The following JAK1 variants were observed in gnomAD, a reference collection of about 807,000 sequenced individuals.
The protein encoded by JAK1 is Janus kinase 1.
JAK1 carries 16 observed loss-of-function variants against 136.6 expected under a neutral mutation model. That is an observed-to-expected ratio of 0.12 (90% CI 0.08 to 0.18). The LOEUF (loss-of-function observed/expected upper bound fraction) is 0.18. Ranked by LOEUF, JAK1 falls within the 10% of genes least tolerant of loss-of-function variation. The pLI, the probability that JAK1 is intolerant of heterozygous loss-of-function variation, is 1.00. For missense variants in JAK1, 859 were observed against 1,450.1 expected, an observed-to-expected ratio of 0.59 and a Z score of 6.62; for synonymous variants, 492 against 519.5, an observed-to-expected ratio of 0.95 and a Z score of 0.72.
chr1:64,898,283 C>T (rs534629213), intron 1 of JAK1, among the ~76,000 whole-genome samples: 4 of 152,178 alleles, frequency 2.6e-5, no homozygotes, highest in Non-Finnish European at 5.9e-5. Flanking sequence ...GAGGGACCAG[C>T]AAGTTCACGG....
At chr1:64,928,363 T>C (rs1181449540) in intron 1 of JAK1, among the ~76,000 whole-genome samples, 1 of 152,174 alleles carries the variant, frequency 6.6e-6, no homozygotes, top group Non-Finnish European at 1.5e-5. Flanking sequence ...GAACAAAGAA[T>C]ACTGCGAGAA....
chr1:64,857,817 A>C (rs764799809), intron 9 of JAK1, 38 bp from the exon 10 acceptor site: 11 of 1,611,490 alleles, frequency 6.8e-6, no homozygotes, highest in Non-Finnish European at 9.3e-6. Context: ...AAGAGCTCAC[A>C]CCAAACAGGA....
chr1:64,856,880 T>C (rs1655973815), intron 10 of JAK1, among the ~76,000 whole-genome samples: 1 of 152,144 alleles, frequency 6.6e-6, no homozygotes, highest in Non-Finnish European at 1.5e-5. Flanking sequence ...CTACCCTCCG[T>C]GCCAAAGGCC....
At chr1:64,953,647 T>C (rs983726963) in intron 1 of JAK1, among the ~76,000 whole-genome samples, 5 of 152,116 alleles carry the variant, frequency 3.3e-5, no homozygotes, top group African/African-American at 1.2e-4. Context: ...CCCCAAAACC[T>C]AAAAAACAAA....
intron 1 of JAK1, among the ~76,000 whole-genome samples, chr1:64,960,149 G>A (rs1646256454): frequency 6.6e-6 from 1 of 152,154 alleles, no homozygotes; most frequent in Non-Finnish European, 1.5e-5. Context: ...GATTGCTTGA[G>A]CCCAGAAGGT....
chr1:64,989,324 C>CAAATAAATAAATAAATAAAT (rs60402520), intron 2 of JAK1: 7 of 139,130 alleles, frequency 5.0e-5, no homozygotes, highest in African/African-American at 1.4e-4. Flanking sequence ...GACTCCATCT[C>CAAATAAATAAATAAATAAAT]AAATAAATAA....
At chr1:64,883,183 C>A in intron 3 of JAK1, 94 bp downstream of exon 3, 3 of 1,040,394 alleles carry the variant, frequency 2.9e-6, no homozygotes, top group Non-Finnish European at 4.1e-6. Context: ...ACAACTCTTT[C>A]TGCCCAGCAG....
upstream of JAK1, among the ~76,000 whole-genome samples, chr1:64,967,474 C>T (rs1646405096): frequency 6.6e-6 from 1 of 152,220 alleles, no homozygotes; most frequent in Non-Finnish European, 1.5e-5. Context: ...GCTTAAAACA[C>T]TCCAGCGACT....
Position 64,966,383 on chromosome 1 carries a change from G to A in JAK1, c.-128C>T, listed in dbSNP as rs1333593415. 1 of 151,314 alleles carries A rather than the reference G, an allele frequency of 6.6e-6. No homozygotes were observed. Among genetic ancestry groups the A allele is most frequent in the African/African-American group, 2.4e-5 (1 of 41,334 alleles). 9.4% of individuals were successfully genotyped at this position (151,314 alleles called of 1,614,324 possible). ...CAGCGCCCCGTCGCTGCGCTGGCTG[G>A]GGTCGACCGGCAGGCTCGCTAGGCG... On this transcript the variant is annotated 5_prime_UTR_variant, in exon 1 of 25. Transcript: ENST00000342505.
chr1:65,063,914 A>G (rs556388693), intron 1 of JAK1, among the ~76,000 whole-genome samples: 1 of 152,272 alleles, frequency 6.6e-6, no homozygotes, highest in South Asian at 2.1e-4. Context: ...CAAGCTACAC[A>G]TGTAATTTTT....
chr1:64,931,380 C>T (rs537537175), intron 1 of JAK1, among the ~76,000 whole-genome samples: 4 of 152,214 alleles, frequency 2.6e-5, no homozygotes, highest in African/African-American at 9.6e-5. Context: ...CCATTCCCAT[C>T]GAAAGTAAGG....
upstream of JAK1, among the ~76,000 whole-genome samples, chr1:64,971,072 T>G (rs1646447895): frequency 6.6e-6 from 1 of 152,240 alleles, no homozygotes; most frequent in Non-Finnish European, 1.5e-5. Flanking sequence ...TGATGTTTTT[T>G]CAACAACACT....
chr1:64,902,611 T>TGTGTGTGTGTGTGTG (rs1645128538), intron 1 of JAK1, among the ~76,000 whole-genome samples: 2 of 149,194 alleles, frequency 1.3e-5, no homozygotes, highest in African/African-American at 2.5e-5. Context: ...TGTGTGTGTG[T>TGTGTGTGTGTGTGTG]TATGGCATGT....
Position 64,879,109 on chromosome 1 carries a change from T to G in JAK1, c.245A>C (p.Asp82Ala). 1 of 1,613,836 alleles carries G rather than the reference T, an allele frequency of 6.2e-7. No homozygotes were observed. Among genetic ancestry groups the G allele is most frequent in the African/African-American group, 1.3e-5 (1 of 74,908 alleles). The change falls in exon 4 of 25, where the codon GAC becomes GCC. Residue 82 changes from aspartate to alanine, a missense_variant. Physicochemically the swap from Asp to Ala is moderately radical, Grantham distance 126. Coordinates refer to ENST00000342505, the MANE Select transcript of JAK1 (RefSeq NM_002227.4). ...AGCATACCAGAGCTTGGTGTTCTCG[T>G]CATACAGGGCAAAGAGGTTGTGACA... is the stretch of plus-strand genomic sequence containing the variant. ...PLCHNLFALYDENTKLWYAPN... is the reference protein window; with the variant it reads ...PLCHNLFALYAENTKLWYAPN...
upstream of JAK1, among the ~76,000 whole-genome samples, chr1:64,969,801 G>A (rs1477267872): frequency 6.6e-6 from 1 of 152,114 alleles, no homozygotes; most frequent in Non-Finnish European, 1.5e-5. Context: ...GACTAAACAG[G>A]ATAAGAAATT....
Position 64,975,101 on chromosome 1 carries a change from T to C in JAK1, c.-78+69379A>G, listed in dbSNP as rs988769763. Among the ~76,000 whole-genome samples, 28 of 149,684 alleles carry C rather than the reference T, an allele frequency of 1.9e-4. 4 individuals carry two copies. Among genetic ancestry groups the C allele is most frequent in the Admixed American group, 3.3e-4 (5 of 14,968 alleles). On this transcript the variant is annotated intron_variant, in intron 2 of 25. Coordinates refer to the JAK1 transcript ENST00000671954. ...ATTTTGTATAGTTTTTTTTTTTTCC[T>C]TTTAGAATCAGGGATCTCACTACAT...
rs971181856 is a variant in JAK1 at position 65,064,285 on chromosome 1, G to A, written c.-181+3319C>T. On this transcript the variant is annotated intron_variant, in intron 1 of 25. Transcript: ENST00000671954. ...CTTCCTCACCCTAGCCATATTTCAG[G>A]TGGTTAATAGCCACGTGGCTAGTGG... 5.3e-5 allele frequency among the ~76,000 whole-genome samples: 8 copies of A among 152,238 alleles called. No homozygotes were observed. In the South Asian group the frequency reaches 8.3e-4, roughly 16 times the overall value.
intron 1 of JAK1, among the ~76,000 whole-genome samples, chr1:64,902,631 A>G (rs1002071686): frequency 1.0e-4 from 15 of 143,958 alleles, no homozygotes; most frequent in Admixed American, 2.9e-4. Flanking sequence ...TTAAGATGGA[A>G]GAGACTTGAG....
intron 4 of JAK1, among the ~76,000 whole-genome samples, chr1:64,875,167 C>A (rs1378195390): frequency 1.3e-5 from 2 of 152,158 alleles, no homozygotes; most frequent in African/African-American, 2.4e-5. Context: ...CAGTCTCTGG[C>A]GAGGTGCCGA....
Sources: gnomAD v4.1 joint callset for allele counts (sites outside exome capture counted in the v4.1 genomes callset) on GRCh38, gnomAD v4.1.1 for gene constraint, MANE v1.5 for transcripts, NCBI Gene and HGNC (gene_info 2026-07-23, HGNC 2026-07-21) for gene names.